The following FBXO16 variants were observed in gnomAD, a reference collection of about 807,000 sequenced individuals.
FBXO16 encodes F-box only protein 16.
A neutral mutation model predicts 41.0 loss-of-function variants in FBXO16; 31 were observed. That is an observed-to-expected ratio of 0.76 (90% CI 0.57 to 1.02). The LOEUF (loss-of-function observed/expected upper bound fraction) is 1.02. Among genes scored for constraint, FBXO16 ranks in the 50% least tolerant of loss-of-function variants. FBXO16 has a pLI of 0.00. For missense variants in FBXO16, 361 were observed against 346.2 expected (o/e 1.04, Z -0.34); for synonymous variants, 133 against 117.8 (o/e 1.13, Z -0.84).
At chr8:28,480,231 A>G (rs1482693680) in intron 2 of FBXO16, among the ~76,000 whole-genome samples, 2 of 151,766 alleles carry the variant, frequency 1.3e-5, no homozygotes, top group Non-Finnish European at 2.9e-5. Context: ...TCACTATTCC[A>G]ATCTCTACCT....
chr8:28,474,410 TA>T (rs1563368969), intron 2 of FBXO16, among the ~76,000 whole-genome samples: 1 of 149,842 alleles, frequency 6.7e-6, no homozygotes, highest in African/African-American at 2.5e-5. Flanking sequence ...ATAGTTTTTT[TA>T]AAGTGAAAGA....
chr8:28,457,878 A>T (rs1044677194), intron 4 of FBXO16, among the ~76,000 whole-genome samples: 14 of 152,242 alleles, frequency 9.2e-5, no homozygotes, highest in Non-Finnish European at 2.1e-4. Context: ...CCACAGCATT[A>T]TGGCTAATCC....
At chr8:28,458,758 T>C (rs1287014094) in intron 4 of FBXO16, among the ~76,000 whole-genome samples, 1 of 151,954 alleles carries the variant, frequency 6.6e-6, no homozygotes, top group Non-Finnish European at 1.5e-5. Flanking sequence ...CTCCTCTTCT[T>C]TAGATCACGT....
intron 6 of FBXO16, among the ~76,000 whole-genome samples, chr8:28,451,394 T>C (rs13282178): frequency 5.1e-5 from 7 of 138,004 alleles, no homozygotes; most frequent in Admixed American, 2.1e-4. Context: ...TTTTTTTTTT[T>C]GTTTTTTGTT....
At chr8:28,473,373 T>C (rs1254389617) in intron 3 of FBXO16, among the ~76,000 whole-genome samples, 1 of 152,188 alleles carries the variant, frequency 6.6e-6, no homozygotes, top group African/African-American at 2.4e-5. Context: ...AAATTCATGT[T>C]GAAATCTCAA....
chr8:28,475,238 C>T (rs1265604310), intron 2 of FBXO16, among the ~76,000 whole-genome samples: 1 of 152,162 alleles, frequency 6.6e-6, no homozygotes, highest in East Asian at 1.9e-4. Flanking sequence ...TTTTTTAACT[C>T]TCAAGCTCTG....
chr8:28,489,525 C>CA lies in FBXO16; in HGVS notation c.-17+660dup, dbSNP rs3049787. 2.9e-3 allele frequency among the ~76,000 whole-genome samples: 372 copies of CA among 128,228 alleles called. 2 individuals are homozygous for CA. Among genetic ancestry groups the CA allele is most frequent in the African/African-American group, 9.5e-3 (308 of 32,440 alleles). The allele number at this position is 128,228 out of a possible 152,430, so 84.1% of individuals were successfully genotyped here. A position where few individuals can be genotyped will look rare whatever the true frequency, so the allele number is the denominator to read the frequency against. On this transcript the variant is annotated intron_variant, in intron 1 of 8. Coordinates refer to ENST00000380254, the MANE Select transcript of FBXO16 (RefSeq NM_172366.4). Reference sequence around the variant, plus strand: ...GCAACACAGCAAAACCCTATCTCTACAAAAAAAAAAAAAAAAAAAATTGCC... The same window carrying CA: ...GCAACACAGCAAAACCCTATCTCTACAAAAAAAAAAAAAAAAAAAAATTGCC...
intron 7 of FBXO16, among the ~76,000 whole-genome samples, chr8:28,435,670 A>G (rs1013830182): frequency 1.3e-5 from 2 of 152,128 alleles, no homozygotes; most frequent in African/African-American, 4.8e-5. Context: ...AAGCAAAGAC[A>G]CCATTCAAAG....
chr8:28,459,623 AAATAATAATAATAAT>A (rs57120891), intron 4 of FBXO16, among the ~76,000 whole-genome samples: 45 of 137,880 alleles, frequency 3.3e-4, no homozygotes, highest in African/African-American at 8.6e-4. Flanking sequence ...CCTGTCTCAA[AAATAATAATAATAAT>A]AATAATAATA....
At chr8:28,488,698 T>C (rs1186670587) in intron 1 of FBXO16, among the ~76,000 whole-genome samples, 2 of 152,204 alleles carry the variant, frequency 1.3e-5, no homozygotes, top group East Asian at 1.9e-4. Flanking sequence ...TCTGCTTTAA[T>C]GGAGCTCACA....
At chr8:28,433,092 AC>A (rs1802635441) in intron 7 of FBXO16, among the ~76,000 whole-genome samples, 5 of 146,788 alleles carry the variant, frequency 3.4e-5, no homozygotes, top group African/African-American at 1.4e-4. Context: ...AAACAAACAA[AC>A]AAACAAAACA....
chr8:28,453,521 T>A (rs1585902580), intron 5 of FBXO16, among the ~76,000 whole-genome samples: 2 of 151,854 alleles, frequency 1.3e-5, no homozygotes, highest in Non-Finnish European at 1.5e-5. Flanking sequence ...ATTCATAACG[T>A]TTTTATGTGG....
intron 6 of FBXO16, among the ~76,000 whole-genome samples, chr8:28,449,523 A>G (rs1399369371): frequency 1.3e-5 from 2 of 152,000 alleles, no homozygotes; most frequent in South Asian, 2.1e-4. Context: ...GGTTCTTGCT[A>G]TGTTGCCCAG....
chr8:28,457,154 A>T (rs1178571043), intron 4 of FBXO16, among the ~76,000 whole-genome samples: 2 of 152,204 alleles, frequency 1.3e-5, no homozygotes, highest in Non-Finnish European at 2.9e-5. Flanking sequence ...CAGATTTAGA[A>T]TCAGAGTCAA....
chr8:28,452,167 C>T, intron 6 of FBXO16, 77 bp downstream of exon 6: 1 of 1,358,028 alleles, frequency 7.4e-7, no homozygotes, highest in Non-Finnish European at 1.0e-6. Flanking sequence ...AGTTCTATTT[C>T]CATCTCTTCG....
At chr8:28,444,089 G>C (rs1175173918) in intron 7 of FBXO16, among the ~76,000 whole-genome samples, 4 of 152,000 alleles carry the variant, frequency 2.6e-5, no homozygotes, top group African/African-American at 9.7e-5. Context: ...AACCCTCTCT[G>C]GGGGTCTGGA....
intron 7 of FBXO16, among the ~76,000 whole-genome samples, chr8:28,446,432 CA>C (rs1321090872): frequency 1.3e-5 from 2 of 151,358 alleles, no homozygotes; most frequent in Non-Finnish European, 2.9e-5. Context: ...CTCAGCCTCC[CA>C]AAGTACTGGG....
chr8:28,452,777 G>A (rs1301942696), intron 5 of FBXO16, among the ~76,000 whole-genome samples: 1 of 151,798 alleles, frequency 6.6e-6, no homozygotes, highest in African/African-American at 2.4e-5. Context: ...CTCCAGGCTG[G>A]GTGACAAGAG....
At position 28,428,618 on chromosome 8, in the gene FBXO16, T is replaced by C. The variant is rs1233336965; in HGVS notation, c.*109A>G. On this transcript the variant is annotated 3_prime_UTR_variant, in exon 9 of 9. Coordinates refer to ENST00000380254, the MANE Select transcript of FBXO16 (RefSeq NM_172366.4). ...TCATGCTTGGGGCCCAGGGTGCCTG[T>C]GAGGATGCTGCATGAGAATTTCAGC... 1 of 1,552,060 alleles carries C rather than the reference T, an allele frequency of 6.4e-7. No homozygotes were observed. Among genetic ancestry groups the C allele is most frequent in the Admixed American group, 2.0e-5 (1 of 50,978 alleles).
Sources: gnomAD v4.1 joint callset for allele counts (sites outside exome capture counted in the v4.1 genomes callset) on GRCh38, gnomAD v4.1.1 for gene constraint, MANE v1.5 for transcripts, NCBI Gene and HGNC (gene_info 2026-07-23, HGNC 2026-07-21) for gene names.